The following RTN3 variants were observed in gnomAD, a reference collection of about 807,000 sequenced individuals.
RTN3 encodes the protein reticulon 3.
RTN3 carries 49 observed loss-of-function variants against 77.8 expected under a neutral mutation model. The ratio of observed to expected loss-of-function variants is 0.63; its 90% confidence interval spans 0.50 to 0.80. The LOEUF is 0.80. RTN3 is among the 30% of genes least tolerant of loss of function. The probability of loss-of-function intolerance (pLI) is 0.00; values close to 1 mark genes in which losing one functional copy is unlikely to be tolerated. For missense variants in RTN3, 1,236 were observed against 1,211.9 expected, an observed-to-expected ratio of 1.02 and a Z score of -0.29; for synonymous variants, 464 against 446.9, an observed-to-expected ratio of 1.04 and a Z score of -0.48.
chr11:63,681,520 C>T lies in RTN3; in HGVS notation c.-117C>T, dbSNP rs1941031921. On this transcript the variant is annotated 5_prime_UTR_variant, in exon 1 of 9. Transcript: ENST00000377819. ...CAGTCAGTCTGTCGGAGTCTGTCCT[C>T]GGAGCAGGCGGAGTAAAGGGACTTG... The T allele has an allele frequency of 3.6e-6, 4 of 1,103,276 alleles. No homozygotes were observed. The highest frequency in any genetic ancestry group is 1.6e-5 in the African/African-American group (1 of 61,072). The allele number at this position is 1,103,276 out of a possible 1,614,324, so 68.3% of individuals were successfully genotyped here.
chr11:63,749,602 G>A (rs377244738), intron 3 of RTN3, among the ~76,000 whole-genome samples: 1 of 152,100 alleles, frequency 6.6e-6, no homozygotes, highest in Non-Finnish European at 1.5e-5. Flanking sequence ...ACTTTACCCC[G>A]GTGTATTTCC....
chr11:63,720,028 C>T lies in RTN3; in HGVS notation c.1526C>T (p.Thr509Ile). The T allele has an allele frequency of 6.2e-7, 1 of 1,614,110 alleles. No homozygotes were observed. The highest frequency in any genetic ancestry group is 8.5e-7 in the Non-Finnish European group (1 of 1,180,024). The change falls in exon 3 of 9, where the codon ACA (threonine) becomes ATA (isoleucine). Residue 509 changes from threonine (T) to isoleucine (I), a missense_variant. Around this residue, in one of 3 missense-constraint regions of RTN3, gnomAD observed 1,056 missense variants for 990.4 expected, o/e 1.07. Coordinates refer to ENST00000377819, the MANE Select transcript of RTN3 (RefSeq NM_001265589.2). ...GATGACACAGTAATAGAGGACATCACAGCAGATACATCATTTGAAAATAAC... is the reference window on the plus strand; with the variant it reads ...GATGACACAGTAATAGAGGACATCATAGCAGATACATCATTTGAAAATAAC... Reference protein sequence around the residue: ...ESDDTVIEDITADTSFENNKI... With the variant: ...ESDDTVIEDIIADTSFENNKI...
intron 3 of RTN3, among the ~76,000 whole-genome samples, chr11:63,743,243 G>A (rs1461580020): frequency 2.0e-5 from 3 of 152,102 alleles, no homozygotes; most frequent in Non-Finnish European, 4.4e-5. Context: ...CTTTAATACA[G>A]TGTTAAACAG....
At chr11:63,732,347 T>A (rs1467658603) in intron 3 of RTN3, among the ~76,000 whole-genome samples, 1 of 152,074 alleles carries the variant, frequency 6.6e-6, no homozygotes, top group Admixed American at 6.6e-5. Flanking sequence ...TATTAATTTT[T>A]AAAAATTTTT....
At chr11:63,750,888 C>T (rs949124948) in intron 4 of RTN3, among the ~76,000 whole-genome samples, 1 of 152,104 alleles carries the variant, frequency 6.6e-6, no homozygotes, top group African/African-American at 2.4e-5. Context: ...CCCACCATCA[C>T]GCCCGGCTAA....
At chr11:63,711,595 G>T (rs559477584) in intron 2 of RTN3, among the ~76,000 whole-genome samples, 2 of 151,420 alleles carry the variant, frequency 1.3e-5, no homozygotes, top group Non-Finnish European at 2.9e-5. Context: ...CGGAGTTTTC[G>T]TTCTTGTTGC....
At chr11:63,727,302 G>T (rs2012353106) in intron 3 of RTN3, among the ~76,000 whole-genome samples, 1 of 152,136 alleles carries the variant, frequency 6.6e-6, no homozygotes, top group Admixed American at 6.5e-5. Flanking sequence ...CATGTTTTAA[G>T]AACCAAGAAA....
intron 2 of RTN3, among the ~76,000 whole-genome samples, chr11:63,716,884 G>A (rs1386544482): frequency 6.6e-6 from 1 of 150,624 alleles, no homozygotes; most frequent in Non-Finnish European, 1.5e-5. Context: ...CAGGAGAATG[G>A]CGCGAACCCG....
At chr11:63,697,512 AT>A (rs1942025360) in intron 1 of RTN3, among the ~76,000 whole-genome samples, 2 of 150,670 alleles carry the variant, frequency 1.3e-5, no homozygotes, top group African/African-American at 4.9e-5. Flanking sequence ...TTTCACTCTT[AT>A]CCCCCAGGCT....
chr11:63,706,655 AAAGT>A (rs1942506776), intron 2 of RTN3, among the ~76,000 whole-genome samples: 1 of 152,194 alleles, frequency 6.6e-6, no homozygotes, highest in Non-Finnish European at 1.5e-5. Context: ...TTAATGTTAG[AAAGT>A]AACTCAAACG....
rs1482089954 is a variant in RTN3, at chr11:63,704,880, C to T, written c.172C>T (p.Pro58Ser). Reference protein sequence around the residue: ...DSFVSSSSSQPVSLFSTSQEG... With the variant: ...DSFVSSSSSQSVSLFSTSQEG... ...CTTTGTTTCTTCCTCTTCCTCTCAG[C>T]CTGTATCTCTATTTTCGACCTCACA... Residue 58 changes from proline to serine, a missense_variant, in exon 2 of 9, where the codon CCT (proline) becomes TCT (serine). Physicochemically the swap from Pro to Ser is moderately conservative, Grantham distance 74 (BLOSUM62 -1). Around this residue, in one of 3 missense-constraint regions of RTN3, gnomAD observed 1,056 missense variants for 990.4 expected, o/e 1.07. Transcript: ENST00000377819. 3 of 1,612,028 alleles carry T rather than the reference C, an allele frequency of 1.9e-6. No individual in the cohort carries two copies. The highest frequency in any genetic ancestry group is 2.7e-5 in the African/African-American group (2 of 74,866).
At position 63,681,547 on chromosome 11, in the gene RTN3, G is replaced by A. The variant is rs1248912658; in HGVS notation, c.-90G>A. 4.4e-6 allele frequency: 6 copies of A among 1,350,580 alleles called. No individual in the cohort carries two copies. The highest frequency in any genetic ancestry group is 6.0e-6 in the Non-Finnish European group (6 of 999,804). 83.7% of individuals were successfully genotyped at this position (1,350,580 alleles called of 1,614,324 possible). A position where few individuals can be genotyped will look rare whatever the true frequency, so the allele number is the denominator to read the frequency against. ...GAGCAGGCGGAGTAAAGGGACTTGA[G>A]CGAGCCAGTTGCCGGATTATTCTAT... On this transcript the variant is annotated 5_prime_UTR_variant, in exon 1 of 9. Transcript: ENST00000377819.
intron 4 of RTN3, 89 bp from the exon 5 acceptor site, chr11:63,752,418 G>T (rs888827070): frequency 2.0e-5 from 27 of 1,325,530 alleles, no homozygotes; most frequent in African/African-American, 2.9e-5. Flanking sequence ...CATGCACCCT[G>T]GGAACCAATT....
intron 1 of RTN3, among the ~76,000 whole-genome samples, chr11:63,685,200 T>A (rs1373447852): frequency 6.6e-6 from 1 of 152,040 alleles, no homozygotes; most frequent in Non-Finnish European, 1.5e-5. Context: ...TACCTTAAGA[T>A]ACTGCAGTGT....
chr11:63,705,920 AT>A (rs1942472783), intron 2 of RTN3, among the ~76,000 whole-genome samples: 1 of 152,220 alleles, frequency 6.6e-6, no homozygotes, highest in Admixed American at 6.5e-5. Context: ...GTATTATTTC[AT>A]TCGTGCTGTT....
chr11:63,699,233 G>A (rs61928207), intron 1 of RTN3, among the ~76,000 whole-genome samples: 4,794 of 152,116 alleles, frequency 0.032, 111 homozygotes, highest in Middle Eastern at 0.075. Flanking sequence ...CCTGGGAGGC[G>A]GAGGTTGCAG....
Position 63,720,681 on chromosome 11 carries a change from C to G in RTN3, c.2179C>G (p.Pro727Ala). Residue 727 changes from proline to alanine, a missense_variant, in exon 3 of 9, where the codon CCT becomes GCT. Pro to Ala is a conservative substitution (Grantham distance 27). Coordinates refer to ENST00000377819, the MANE Select transcript of RTN3 (RefSeq NM_001265589.2). ...TGGAAGTGAGCCTCTAGGTGTTTTC[C>G]CTACCCAAGGTACTCCAGTAGCATC... is the stretch of plus-strand genomic sequence containing the variant. Reference protein sequence around the residue: ...TNGSEPLGVFPTQGTPVASLD... With the variant: ...TNGSEPLGVFATQGTPVASLD... 1.9e-6 allele frequency: 3 copies of G among 1,614,084 alleles called. No homozygotes were observed. Among genetic ancestry groups the G allele is most frequent in the Non-Finnish European group, 2.5e-6 (3 of 1,180,006 alleles).
intron 1 of RTN3, among the ~76,000 whole-genome samples, chr11:63,688,538 A>G (rs1465912471): frequency 6.6e-6 from 1 of 151,946 alleles, no homozygotes; most frequent in Non-Finnish European, 1.5e-5. Flanking sequence ...TTTTTTTTTA[A>G]TGCTGTTTTT....
At chr11:63,722,259 T>G (rs2011873571) in intron 3 of RTN3, among the ~76,000 whole-genome samples, 1 of 152,220 alleles carries the variant, frequency 6.6e-6, no homozygotes, top group Non-Finnish European at 1.5e-5. Flanking sequence ...TCAAATGAAA[T>G]CATACACAGA....
Sources: allele counts gnomAD v4.1 joint callset (sites outside exome capture counted in the v4.1 genomes callset), GRCh38; gene constraint gnomAD v4.1.1; regional missense constraint gnomAD v4.1.1; transcripts MANE v1.5; gene names NCBI Gene and HGNC (gene_info 2026-07-23, HGNC 2026-07-21).